The following TRIM33 variants were observed in gnomAD, a reference collection of about 807,000 sequenced individuals.
The protein encoded by TRIM33 is E3 ubiquitin-protein ligase TRIM33.
A neutral mutation model predicts 125.4 loss-of-function variants in TRIM33; 20 were observed. That is an observed-to-expected ratio of 0.16 (90% CI 0.11 to 0.23). The LOEUF is 0.23. Among genes scored for constraint, TRIM33 ranks in the 10% least tolerant of loss-of-function variants. TRIM33 has a pLI of 1.00. For synonymous variants in TRIM33, 564 were observed against 513.9 expected (o/e 1.10, Z -1.32); for missense variants, 920 against 1,411.4 (o/e 0.65, Z 5.58).
intron 4 of TRIM33, among the ~76,000 whole-genome samples, chr1:114,436,168 C>T (rs1401404996): frequency 2.0e-5 from 3 of 151,146 alleles, no homozygotes; most frequent in Non-Finnish European, 2.9e-5. Context: ...TTTGGAAGGC[C>T]GAGGCAGGTG....
intron 1 of TRIM33, among the ~76,000 whole-genome samples, chr1:114,471,418 C>T (rs1650642815): frequency 6.8e-6 from 1 of 147,476 alleles, no homozygotes. Context: ...TCCAGCCTGG[C>T]GACAGAGCAA....
At chr1:114,409,208 A>G (rs1365218186) in intron 12 of TRIM33, among the ~76,000 whole-genome samples, 1 of 152,144 alleles carries the variant, frequency 6.6e-6, no homozygotes, top group Non-Finnish European at 1.5e-5. Context: ...GAAAAAAATA[A>G]CATTTAATTT....
chr1:114,490,521 A>G (rs1456893589), intron 1 of TRIM33, among the ~76,000 whole-genome samples: 1 of 152,170 alleles, frequency 6.6e-6, no homozygotes, highest in East Asian at 1.9e-4. Flanking sequence ...ACAACCCAGC[A>G]ATTGCACTCT....
chr1:114,491,487 A>G (rs1239044745), intron 1 of TRIM33, among the ~76,000 whole-genome samples: 4 of 152,330 alleles, frequency 2.6e-5, no homozygotes, highest in Non-Finnish European at 5.9e-5. Flanking sequence ...ATATGCATTT[A>G]TATTTAAAGT....
chr1:114,433,727 C>T lies in TRIM33; in HGVS notation c.930G>A (p.Gln310=), dbSNP rs2101198528. The T allele has an allele frequency of 1.3e-6, 2 of 1,596,636 alleles. No individual in the cohort carries two copies. Among genetic ancestry groups the T allele is most frequent in the East Asian group, 4.5e-5 (2 of 44,716 alleles). The change falls in exon 5 of 20, where the codon CAG becomes CAA. Residue 310 remains glutamine (Q), a synonymous_variant. Transcript: ENST00000358465. The part of the protein sequence containing the change: ...QLLEHKEHRY[Q]FLEEAFQNQK... ...GATTTTGAAAAGCTTCTTCCAAAAA[C>T]TGATACCTTAAAACCAAAACAAAAC...
chr1:114,430,646 G>A lies in TRIM33; in HGVS notation c.1155+152C>T, dbSNP rs147865530. 66 of 590,968 alleles carry A rather than the reference G, an allele frequency of 1.1e-4. 1 individual carries two copies. The Middle Eastern group carries it at 1.9e-3, about 17-fold the overall frequency. The allele number at this position is 590,968 out of a possible 1,614,324, so 36.6% of individuals were successfully genotyped here. ...GCCGCAAAGTAACTAACTAGAAAAG[G>A]TCTCTTCCAAAAGTAAATTTTAAAA... On this transcript the variant is annotated intron_variant, in intron 6 of 19. Transcript: ENST00000358465.
chr1:114,435,577 AG>A (rs1266206662), intron 4 of TRIM33, among the ~76,000 whole-genome samples: 1 of 152,210 alleles, frequency 6.6e-6, no homozygotes, highest in East Asian at 1.9e-4. Context: ...GTTAAGATAA[AG>A]GGAAGTTTAC....
chr1:114,471,223 C>G (rs1056649530), intron 1 of TRIM33, among the ~76,000 whole-genome samples: 3 of 152,108 alleles, frequency 2.0e-5, no homozygotes, highest in Non-Finnish European at 4.4e-5. Context: ...CCGAGGTGGG[C>G]GGATGGCGAA....
Position 114,509,283 on chromosome 1 carries a change from G to A in TRIM33, c.526+1268C>T, listed in dbSNP as rs1265762652. On this transcript the variant is annotated intron_variant, in intron 1 of 19. Coordinates refer to ENST00000358465, the MANE Select transcript of TRIM33 (RefSeq NM_015906.4). ...TCCACAATCGCTTACCTACAGTCCC[G>A]AAATTCAAAAGCTTTGAAATTTTAA... is the stretch of plus-strand genomic sequence containing the variant. Among the ~76,000 whole-genome samples the A allele has an allele frequency of 3.9e-5, 6 of 152,244 alleles. No individual in the cohort carries two copies. In the South Asian group the frequency reaches 1.0e-3, roughly 26 times the overall value.
intron 1 of TRIM33, among the ~76,000 whole-genome samples, chr1:114,483,418 T>A (rs946689819): frequency 1.3e-5 from 2 of 149,596 alleles, no homozygotes; most frequent in South Asian, 4.2e-4. Context: ...CCAGTTGGGT[T>A]TTTTTTTTTT....
intron 11 of TRIM33, chr1:114,420,329 G>T: frequency 1.8e-6 from 2 of 1,099,872 alleles, no homozygotes; most frequent in Non-Finnish European, 2.5e-6. Flanking sequence ...CCTTTTCTCA[G>T]CCCAACTGAC....
chr1:114,439,709 C>A (rs1223212611), intron 4 of TRIM33, among the ~76,000 whole-genome samples: 1 of 151,866 alleles, frequency 6.6e-6, no homozygotes, highest in Admixed American at 6.6e-5. Flanking sequence ...ATCCCCCAAG[C>A]ACAAGAAACA....
At chr1:114,509,447 AG>A in intron 1 of TRIM33, among the ~76,000 whole-genome samples, 2 of 152,364 alleles carry the variant, frequency 1.3e-5, no homozygotes, top group South Asian at 4.1e-4. Flanking sequence ...CCCTGATAAA[AG>A]TCTCACATAA....
intron 4 of TRIM33, among the ~76,000 whole-genome samples, chr1:114,440,377 AAGGAAAG>A (rs1312443536): frequency 6.6e-6 from 1 of 152,116 alleles, no homozygotes; most frequent in Non-Finnish European, 1.5e-5. Context: ...ATAATTTTTC[AAGGAAAG>A]AGGAAAGTTC....
At chr1:114,468,014 A>C (rs984803992) in intron 1 of TRIM33, among the ~76,000 whole-genome samples, 1 of 152,218 alleles carries the variant, frequency 6.6e-6, no homozygotes, top group Non-Finnish European at 1.5e-5. Context: ...CCTGTGAGTT[A>C]AGTGTTGAAA....
Position 114,451,493 on chromosome 1 carries a change from T to C in TRIM33, c.923+11611A>G, listed in dbSNP as rs189806065. 1.6e-3 allele frequency among the ~76,000 whole-genome samples: 237 copies of C among 152,172 alleles called. 4 individuals are homozygous for C. The highest frequency in any genetic ancestry group is 5.5e-3 in the African/African-American group (230 of 41,510). ...TGTGAATAGAATTTTTGGAGGGAGATGGAAAAACCCCATGGTTTATCTAGA... is the reference window on the plus strand; with the variant it reads ...TGTGAATAGAATTTTTGGAGGGAGACGGAAAAACCCCATGGTTTATCTAGA... On this transcript the variant is annotated intron_variant, in intron 4 of 19. Coordinates refer to ENST00000358465, the MANE Select transcript of TRIM33 (RefSeq NM_015906.4).
At chr1:114,491,164 T>C (rs954790378) in intron 1 of TRIM33, among the ~76,000 whole-genome samples, 1 of 152,180 alleles carries the variant, frequency 6.6e-6, no homozygotes, top group Non-Finnish European at 1.5e-5. Context: ...TAACATATCG[T>C]TTGTGAATTA....
intron 1 of TRIM33, among the ~76,000 whole-genome samples, chr1:114,498,300 A>G (rs1316638770): frequency 6.6e-6 from 1 of 152,196 alleles, no homozygotes; most frequent in Non-Finnish European, 1.5e-5. Flanking sequence ...TTAAGTCCAC[A>G]GAAAAAGAAC....
Position 114,507,663 on chromosome 1 carries a change from C to T in TRIM33, c.526+2888G>A, listed in dbSNP as rs559965019. On this transcript the variant is annotated intron_variant, in intron 1 of 19. Coordinates refer to ENST00000358465, the MANE Select transcript of TRIM33 (RefSeq NM_015906.4). ...TTAAAGGGAAACTGAAGGACAAAAACAGTATGAACTTCCTTTAGCGTAAAA... is the reference window on the plus strand; with the variant it reads ...TTAAAGGGAAACTGAAGGACAAAAATAGTATGAACTTCCTTTAGCGTAAAA... Among the ~76,000 whole-genome samples the T allele has an allele frequency of 1.4e-3, 211 of 152,324 alleles. 1 individual carries two copies. Among genetic ancestry groups the T allele is most frequent in the Non-Finnish European group, 2.5e-3 (172 of 68,020 alleles).
Sources: gnomAD v4.1 joint callset for allele counts (sites outside exome capture counted in the v4.1 genomes callset) on GRCh38, gnomAD v4.1.1 for gene constraint, MANE v1.5 for transcripts, NCBI Gene and HGNC (gene_info 2026-07-23, HGNC 2026-07-21) for gene names.